The following KANK1 variants were observed in gnomAD, a reference collection of about 807,000 sequenced individuals.
KANK1 encodes the protein KN motif and ankyrin repeat domains 1.
A neutral mutation model predicts 106.2 loss-of-function variants in KANK1; 109 were observed. The observed-to-expected ratio is 1.03, with a 90% CI of 0.88 to 1.20. The LOEUF is 1.20. Among genes scored for constraint, KANK1 ranks in the 50% most tolerant of loss-of-function variants. KANK1 has a pLI of 0.00. For synonymous variants in KANK1, 873 were observed against 652.2 expected (o/e 1.34, Z -5.16); for missense variants, 2,399 against 1,710.7 (o/e 1.40, Z -7.10).
intron 3 of KANK1, among the ~76,000 whole-genome samples, chr9:719,617 T>A (rs150769994): frequency 3.3e-4 from 50 of 152,372 alleles, no homozygotes; most frequent in Non-Finnish European, 6.2e-4. Context: ...TTAAATTGAT[T>A]TTCTAACAAA....
Position 606,623 on chromosome 9 carries a change from TA to T in KANK1, c.-83-70266del, listed in dbSNP as rs556578258. On this transcript the variant is annotated intron_variant, in intron 1 of 11. Transcript: ENST00000382297. ...ATGTGTGTGTGTGTGTGTATATATT[TA>T]TATATTTATATATATTACATATATA... 4.0e-3 allele frequency among the ~76,000 whole-genome samples: 273 copies of T among 67,470 alleles called. 19 individuals carry two copies. The highest frequency in any genetic ancestry group is 0.011 in the Middle Eastern group (1 of 90). 44.3% of individuals were successfully genotyped at this position (67,470 alleles called of 152,430 possible).
chr9:717,919 A>G (rs1828159218), intron 3 of KANK1, among the ~76,000 whole-genome samples: 1 of 152,220 alleles, frequency 6.6e-6, no homozygotes, highest in Non-Finnish European at 1.5e-5. Context: ...TTCATCTCTC[A>G]TACTGAAAAG....
intron 1 of KANK1, among the ~76,000 whole-genome samples, chr9:628,172 G>A (rs780675161): frequency 1.6e-4 from 24 of 152,292 alleles, no homozygotes; most frequent in Non-Finnish European, 3.2e-4. Flanking sequence ...CTTGAAGTCC[G>A]AAAACAAGTG....
rs35377139 is a variant in KANK1, at chr9:524,982, C to CTTTTTTTTTTTTTTTTTTTTTTTTTTTTT, written c.-84+20250_-84+20251insTTTTTTTTTTTTTTTTTTTTTTTTTTTTT. On this transcript the variant is annotated intron_variant, in intron 1 of 11. Transcript: ENST00000382297. Reference sequence around the variant, plus strand: ...TTAGTCAATCCCAAACTCTTGCTGCCTTTTTTTTTTTTTTTTTTTTTTGAG... The same window carrying CTTTTTTTTTTTTTTTTTTTTTTTTTTTTT: ...TTAGTCAATCCCAAACTCTTGCTGCCTTTTTTTTTTTTTTTTTTTTTTTTTTTTTTTTTTTTTTTTTTTTTTTTTTTGAG... Among the ~76,000 whole-genome samples, 4 of 91,984 alleles carry CTTTTTTTTTTTTTTTTTTTTTTTTTTTTT rather than the reference C, an allele frequency of 4.3e-5. 2 individuals are homozygous for CTTTTTTTTTTTTTTTTTTTTTTTTTTTTT. Among genetic ancestry groups the CTTTTTTTTTTTTTTTTTTTTTTTTTTTTT allele is most frequent in the African/African-American group, 1.9e-4 (4 of 21,336 alleles). 60.3% of individuals were successfully genotyped at this position (91,984 alleles called of 152,430 possible). A position where few individuals can be genotyped will look rare whatever the true frequency, so the allele number is the denominator to read the frequency against.
chr9:503,039 G>C (rs1217086628), upstream of KANK1, among the ~76,000 whole-genome samples: 1 of 82,716 alleles, frequency 1.2e-5, no homozygotes, highest in East Asian at 3.6e-4. Flanking sequence ...GGTGAAAACA[G>C]AATTTCACTG....
chr9:598,784 C>T (rs929437355), intron 1 of KANK1, among the ~76,000 whole-genome samples: 1 of 148,984 alleles, frequency 6.7e-6, no homozygotes, highest in African/African-American at 2.5e-5. Flanking sequence ...GCGCACACCA[C>T]TACGCCCAGC....
intron 1 of KANK1, among the ~76,000 whole-genome samples, chr9:631,433 C>T (rs533756554): frequency 6.6e-5 from 10 of 152,266 alleles, no homozygotes; most frequent in African/African-American, 1.9e-4. Context: ...CAACTATACC[C>T]TTGAGCTCAG....
At chr9:591,666 ATTAT>A (rs1451462105) in intron 1 of KANK1, among the ~76,000 whole-genome samples, 7 of 151,650 alleles carry the variant, frequency 4.6e-5, no homozygotes, top group Non-Finnish European at 1.0e-4. Context: ...TCAATATGCA[ATTAT>A]TTATTTATTT....
intron 3 of KANK1, among the ~76,000 whole-genome samples, chr9:483,313 G>A (rs2058238895): frequency 6.6e-6 from 1 of 152,072 alleles, no homozygotes; most frequent in Non-Finnish European, 1.5e-5. Flanking sequence ...ATCATCTGGG[G>A]GCACTAATAA....
At chr9:477,185 A>C (rs2058119963) in intron 3 of KANK1, among the ~76,000 whole-genome samples, 1 of 152,158 alleles carries the variant, frequency 6.6e-6, no homozygotes, top group Non-Finnish European at 1.5e-5. Flanking sequence ...TAATAAGGAT[A>C]ATATATTTTA....
At chr9:602,628 A>C (rs905487734) in intron 1 of KANK1, among the ~76,000 whole-genome samples, 1 of 151,898 alleles carries the variant, frequency 6.6e-6, no homozygotes, top group African/African-American at 2.4e-5. Context: ...TACAATGTGT[A>C]ACTACAGATT....
chr9:635,311 T>G (rs559692608), intron 1 of KANK1, among the ~76,000 whole-genome samples: 2 of 152,156 alleles, frequency 1.3e-5, no homozygotes, highest in African/African-American at 4.8e-5. Flanking sequence ...CATGGAACTT[T>G]CCTTGCGCAC....
chr9:546,875 C>T (rs995573499), intron 1 of KANK1, among the ~76,000 whole-genome samples: 1 of 152,018 alleles, frequency 6.6e-6, no homozygotes, highest in South Asian at 2.1e-4. Flanking sequence ...GACTGTCAGG[C>T]TTGGAAAAAA....
At chr9:632,804 C>T (rs1474632320) in intron 1 of KANK1, among the ~76,000 whole-genome samples, 1 of 152,104 alleles carries the variant, frequency 6.6e-6, no homozygotes, top group East Asian at 1.9e-4. Context: ...ATTCTCCTGC[C>T]TCTGCCATTC....
At chr9:542,576 T>A (rs558897326) in intron 1 of KANK1, among the ~76,000 whole-genome samples, 7 of 152,216 alleles carry the variant, frequency 4.6e-5, no homozygotes, top group African/African-American at 1.7e-4. Context: ...TCCAAAGGAA[T>A]TGAAATCAAA....
chr9:515,790 A>G (rs764447055), intron 1 of KANK1, among the ~76,000 whole-genome samples: 3 of 151,772 alleles, frequency 2.0e-5, no homozygotes, highest in Non-Finnish European at 4.4e-5. Context: ...GGGATAAGCT[A>G]TATATTGTGA....
intron 1 of KANK1, among the ~76,000 whole-genome samples, chr9:557,590 C>T (rs2061674963): frequency 1.3e-5 from 2 of 152,082 alleles, no homozygotes; most frequent in South Asian, 4.1e-4. Flanking sequence ...AACTGTTAGT[C>T]AAAAATGTAC....
intron 2 of KANK1, among the ~76,000 whole-genome samples, 163 bp from the exon 3 acceptor site, chr9:710,640 CA>C (rs1380921183): frequency 1.3e-5 from 1 of 76,686 alleles, no homozygotes; most frequent in African/African-American, 9.7e-5. Flanking sequence ...CAAAAAAAAA[CA>C]AAAAAAACTT....
At chr9:592,483 T>C (rs201923953) in intron 1 of KANK1, among the ~76,000 whole-genome samples, 2 of 71,258 alleles carry the variant, frequency 2.8e-5, no homozygotes, top group African/African-American at 6.5e-5. Flanking sequence ...AGCACCCCGA[T>C]CCCCTAGTCC....
Sources: allele counts gnomAD v4.1 joint callset (sites outside exome capture counted in the v4.1 genomes callset), GRCh38; gene constraint gnomAD v4.1.1; transcripts MANE v1.5; gene names NCBI Gene and HGNC (gene_info 2026-07-23, HGNC 2026-07-21).